Variants in RASSF8 observed in about 807,000 individuals in gnomAD.
The protein encoded by RASSF8 is ras association domain-containing protein 8.
RASSF8 carries 22 observed loss-of-function variants against 48.5 expected under a neutral mutation model. The ratio of observed to expected loss-of-function variants is 0.45; its 90% confidence interval spans 0.32 to 0.65. The LOEUF (loss-of-function observed/expected upper bound fraction) is 0.65. Ranked by LOEUF, RASSF8 falls within the 30% of genes least tolerant of loss-of-function variation. The probability of loss-of-function intolerance (pLI) is 0.03; values close to 1 mark genes in which losing one functional copy is unlikely to be tolerated. For synonymous variants in RASSF8, 127 were observed against 171.5 expected (o/e 0.74, Z 2.03); for missense variants, 418 against 489.2 (o/e 0.85, Z 1.37).
chr12:25,964,921 T>G (rs1440123808), intron 1 of RASSF8, among the ~76,000 whole-genome samples: 2 of 152,182 alleles, frequency 1.3e-5, no homozygotes, highest in East Asian at 1.9e-4. Context: ...ATTTCTTTTT[T>G]TAAACAGCTT....
intron 1 of RASSF8, among the ~76,000 whole-genome samples, chr12:25,973,244 A>G (rs1399411839): frequency 6.6e-6 from 1 of 151,954 alleles, no homozygotes; most frequent in Non-Finnish European, 1.5e-5. Flanking sequence ...TTTATTTGTT[A>G]AAATGCTTGG....
Position 25,976,257 on chromosome 12 carries a change from C to T in RASSF8, c.-203+17109C>T, listed in dbSNP as rs184792077. ...TAAGGAACAAGAGGACCAGAGGCTA[C>T]TCCATTTGACCTTTTCTGTCTGGAG... On this transcript the variant is annotated intron_variant, in intron 1 of 5. Coordinates refer to ENST00000689635, the MANE Select transcript of RASSF8 (RefSeq NM_001394098.1). Among the ~76,000 whole-genome samples the T allele has an allele frequency of 4.3e-4, 65 of 152,348 alleles. No individual in the cohort carries two copies. In the East Asian group the frequency reaches 8.1e-3, roughly 19 times the overall value.
intron 2 of RASSF8, among the ~76,000 whole-genome samples, chr12:26,023,275 A>G (rs1196086692): frequency 6.6e-6 from 1 of 152,216 alleles, no homozygotes; most frequent in Admixed American, 6.5e-5. Context: ...CTGAGATTTG[A>G]TAGAAAACAT....
chr12:26,059,161 A>G (rs753671978), intron 3 of RASSF8, among the ~76,000 whole-genome samples: 12 of 152,226 alleles, frequency 7.9e-5, no homozygotes, highest in Non-Finnish European at 1.3e-4. Flanking sequence ...AACCAAAAAT[A>G]TGACAAGGAT....
intron 5 of RASSF8, chr12:26,078,998 T>A (rs772184254): frequency 6.5e-7 from 1 of 1,529,622 alleles, no homozygotes; most frequent in Non-Finnish European, 8.8e-7. Flanking sequence ...CCTTAACTCT[T>A]TTTTGTTGTT....
intron 2 of RASSF8, among the ~76,000 whole-genome samples, chr12:26,007,857 A>C (rs890140792): frequency 4.6e-5 from 7 of 152,248 alleles, no homozygotes; most frequent in African/African-American, 1.7e-4. Flanking sequence ...AACAATTTGG[A>C]ATAACCTAAA....
At chr12:26,050,263 T>A (rs1417064242) in intron 2 of RASSF8, among the ~76,000 whole-genome samples, 4 of 152,250 alleles carry the variant, frequency 2.6e-5, no homozygotes, top group Non-Finnish European at 5.9e-5. Flanking sequence ...ACCTAAAATG[T>A]CTTTATTTTC....
chr12:25,988,970 T>A (rs1048517254), intron 1 of RASSF8, among the ~76,000 whole-genome samples: 4 of 152,218 alleles, frequency 2.6e-5, no homozygotes, highest in Non-Finnish European at 5.9e-5. Flanking sequence ...TTTTTGAATT[T>A]TTCTTGATTT....
chr12:26,065,843 C>T (rs1943861924), intron 4 of RASSF8, among the ~76,000 whole-genome samples: 1 of 152,176 alleles, frequency 6.6e-6, no homozygotes, highest in Non-Finnish European at 1.5e-5. Context: ...ACAGTACCCT[C>T]CTTTGCTTTC....
Position 26,071,845 on chromosome 12 carries a change from A to G in RASSF8, c.*3027A>G, listed in dbSNP as rs2137344173. 1 of 983,950 alleles carries G rather than the reference A, an allele frequency of 1.0e-6. No homozygotes were observed. Among genetic ancestry groups the G allele is most frequent in the Non-Finnish European group, 1.2e-6 (1 of 828,592 alleles). The allele number at this position is 983,950 out of a possible 1,614,324, so 61.0% of individuals were successfully genotyped here. A position where few individuals can be genotyped will look rare whatever the true frequency, so the allele number is the denominator to read the frequency against. ...AAAAATAGAATTTATGGTGTGAAAT[A>G]TGAAGTATAGCAATATATAACAAGA... On this transcript the variant is annotated 3_prime_UTR_variant, in exon 6 of 6. Transcript: ENST00000689635.
At chr12:26,052,159 A>T (rs1943504973) in intron 2 of RASSF8, among the ~76,000 whole-genome samples, 1 of 152,200 alleles carries the variant, frequency 6.6e-6, no homozygotes, top group African/African-American at 2.4e-5. Context: ...CACCACAAAT[A>T]GTGATTTTTG....
chr12:25,978,280 A>G (rs1338047591), intron 1 of RASSF8, among the ~76,000 whole-genome samples: 3 of 152,198 alleles, frequency 2.0e-5, no homozygotes, highest in Non-Finnish European at 4.4e-5. Context: ...CGCCTAAATG[A>G]CTAGGACTGG....
intron 2 of RASSF8, among the ~76,000 whole-genome samples, chr12:25,997,461 GTGTA>G (rs1217965789): frequency 6.6e-6 from 1 of 152,116 alleles, no homozygotes; most frequent in Non-Finnish European, 1.5e-5. Context: ...TAAAGGGTGT[GTGTA>G]TGTGTGTGTG....
chr12:26,029,399 G>T (rs1372020057), intron 2 of RASSF8, among the ~76,000 whole-genome samples: 1 of 152,206 alleles, frequency 6.6e-6, no homozygotes, highest in African/African-American at 2.4e-5. Context: ...TCTGTCTGGG[G>T]AAGGGTGACC....
chr12:26,067,854 C>T (rs1041447321), intron 5 of RASSF8, 141 bp downstream of exon 5: 6 of 1,118,842 alleles, frequency 5.4e-6, no homozygotes, highest in Admixed American at 4.9e-5. Flanking sequence ...CAGCCTCGAC[C>T]TCCTGGGCTC....
chr12:26,000,982 C>CTT (rs34793650), intron 2 of RASSF8, among the ~76,000 whole-genome samples: 4,744 of 81,070 alleles, frequency 0.059, 152 homozygotes, highest in African/African-American at 0.09. Flanking sequence ...TTAAAATTTC[C>CTT]TTTTTTTTTT....
chr12:25,997,680 G>C (rs1446127096), intron 2 of RASSF8, among the ~76,000 whole-genome samples: 1 of 152,128 alleles, frequency 6.6e-6, no homozygotes, highest in Non-Finnish European at 1.5e-5. Context: ...GGTAGGAGGG[G>C]GGTGACATTT....
intron 2 of RASSF8, among the ~76,000 whole-genome samples, chr12:26,006,384 T>C (rs923080202): frequency 5.3e-5 from 8 of 152,228 alleles, no homozygotes; most frequent in African/African-American, 1.9e-4. Flanking sequence ...GTCTCCTTAC[T>C]TGAATATTGG....
chr12:25,961,483 C>T (rs1258104224), intron 1 of RASSF8, among the ~76,000 whole-genome samples: 1 of 152,100 alleles, frequency 6.6e-6, no homozygotes, highest in African/African-American at 2.4e-5. Context: ...CTTAAAAATT[C>T]AAAGTGTAGA....
Sources: gnomAD v4.1 joint callset for allele counts (sites outside exome capture counted in the v4.1 genomes callset) on GRCh38, gnomAD v4.1.1 for gene constraint, MANE v1.5 for transcripts, NCBI Gene and HGNC (gene_info 2026-07-23, HGNC 2026-07-21) for gene names.